Variants in ABLIM2 observed in about 807,000 individuals in gnomAD.
ABLIM2 encodes the protein actin-binding LIM protein 2.
A neutral mutation model predicts 97.7 loss-of-function variants in ABLIM2; 53 were observed. That is an observed-to-expected ratio of 0.54 (90% CI 0.44 to 0.68). The LOEUF is 0.68. Among genes scored for constraint, ABLIM2 ranks in the 30% least tolerant of loss-of-function variants. The pLI is 0.00. For synonymous variants in ABLIM2, 361 were observed against 345.8 expected (o/e 1.04, Z -0.49); for missense variants, 835 against 867.2 (o/e 0.96, Z 0.47).
chr4:8,118,848 C>T (rs559142149), intron 1 of ABLIM2, among the ~76,000 whole-genome samples: 1 of 152,376 alleles, frequency 6.6e-6, no homozygotes, highest in South Asian at 2.1e-4. Flanking sequence ...CAATGATTCA[C>T]TCTTGTGCTG....
chr4:8,144,358 C>G (rs537800246), intron 1 of ABLIM2, among the ~76,000 whole-genome samples: 57 of 152,246 alleles, frequency 3.7e-4, no homozygotes, highest in Non-Finnish European at 7.3e-4. Flanking sequence ...GCATCCACCC[C>G]CTATGGCAGT....
At chr4:8,094,995 C>T (rs1830716836) in intron 3 of ABLIM2, among the ~76,000 whole-genome samples, 1 of 118,608 alleles carries the variant, frequency 8.4e-6, no homozygotes, top group Non-Finnish European at 1.7e-5. Flanking sequence ...TCTTTCTTTT[C>T]CTTTTTCTTT....
chr4:7,978,577 T>G (rs1269095910), intron 20 of ABLIM2, among the ~76,000 whole-genome samples: 1 of 152,148 alleles, frequency 6.6e-6, no homozygotes, highest in African/African-American at 2.4e-5. Context: ...TGAGCTCACC[T>G]TTTGTGGTGA....
intron 1 of ABLIM2, among the ~76,000 whole-genome samples, chr4:8,133,619 C>T (rs1849749125): frequency 6.6e-6 from 1 of 152,196 alleles, no homozygotes; most frequent in Non-Finnish European, 1.5e-5. Context: ...CCGGCTGGAG[C>T]TCCTCCCCGG....
intron 20 of ABLIM2, among the ~76,000 whole-genome samples, chr4:7,977,065 G>A (rs1282726980): frequency 1.3e-5 from 2 of 152,156 alleles, no homozygotes; most frequent in African/African-American, 4.8e-5. Context: ...GGAGGGACCT[G>A]GTGGGAGGTG....
chr4:8,085,256 G>GC lies in ABLIM2; in HGVS notation c.454+2912dup, dbSNP rs1054979349. Among the ~76,000 whole-genome samples the GC allele has an allele frequency of 2.6e-4, 39 of 152,084 alleles. 1 individual carries two copies. Among genetic ancestry groups the GC allele is most frequent in the Admixed American group, 2.6e-4 (4 of 15,272 alleles). On this transcript the variant is annotated intron_variant, in intron 4 of 20. Transcript: ENST00000447017. The surrounding 1 kb of genome is among the most constrained non-coding windows in gnomAD (Gnocchi z 6.1). ...CAGCCATGTGAGGCCCCACCCTGCT[G>GC]CCCCCCGGCCCAGCAAGCTGGCCAG...
In ABLIM2 at chr4:8,072,790, C is replaced by T. The variant is rs1813168958; in HGVS notation, c.675+4838G>A. The stretch of plus-strand genomic sequence containing the variant: ...TGCATGTGGTGTTGGCCTGGCTGAG[C>T]ATCAGAGCCACCAGCGCATAAGAGG... On this transcript the variant is annotated intron_variant, in intron 6 of 20. Transcript: ENST00000447017. This position sits in a 1 kb window ranked among gnomAD's most constrained non-coding sequence, Gnocchi z 5.8. 2.0e-5 allele frequency among the ~76,000 whole-genome samples: 3 copies of T among 152,122 alleles called. No homozygotes were observed. The highest frequency in any genetic ancestry group is 7.2e-5 in the African/African-American group (3 of 41,414).
In ABLIM2 at chr4:8,019,611, A is replaced by G. The variant is rs564715941; in HGVS notation, c.1423+7T>C. 8 of 1,609,084 alleles carry G rather than the reference A, an allele frequency of 5.0e-6. No individual in the cohort carries two copies. The highest frequency in any genetic ancestry group is 1.1e-5 in the South Asian group (1 of 89,926). The stretch of plus-strand genomic sequence containing the variant: ...AAACCACAGCAGCGGGAGGAATCCA[A>G]CCGTACCATGCTGTCTGTAGATAGG... On this transcript the variant is annotated splice_region_variant and intron_variant, in intron 14 of 20. Coordinates refer to ENST00000447017, the MANE Select transcript of ABLIM2 (RefSeq NM_001130083.2). The surrounding 1 kb of genome is among the most constrained non-coding windows in gnomAD (Gnocchi z 4.3).
chr4:8,108,935 C>T (rs535219002), intron 1 of ABLIM2, among the ~76,000 whole-genome samples: 9 of 152,362 alleles, frequency 5.9e-5, no homozygotes, highest in Admixed American at 2.0e-4. Context: ...TGGTCTATTT[C>T]GGGGACCCCA....
intron 3 of ABLIM2, among the ~76,000 whole-genome samples, chr4:8,089,860 G>C (rs922793667): frequency 2.0e-5 from 3 of 151,900 alleles, no homozygotes; most frequent in African/African-American, 7.2e-5. Flanking sequence ...AAGGACTGAA[G>C]CTCTCCTAGG....
chr4:8,119,941 C>A (rs17796091), intron 1 of ABLIM2, among the ~76,000 whole-genome samples: 1 of 151,980 alleles, frequency 6.6e-6, no homozygotes, highest in Admixed American at 6.6e-5. Context: ...TCAAGTCCTG[C>A]GGGTGGAGGT....
At chr4:8,108,308 G>T in intron 1 of ABLIM2, among the ~76,000 whole-genome samples, 1 of 152,240 alleles carries the variant, frequency 6.6e-6, no homozygotes, top group East Asian at 1.9e-4. Context: ...CTTTCACTCG[G>T]CTAGGGCTGC....
intron 16 of ABLIM2, chr4:7,993,812 G>C (rs1024063238): frequency 2.3e-6 from 1 of 440,306 alleles, no homozygotes; most frequent in Non-Finnish European, 4.6e-6. Context: ...GTGGGGCAAG[G>C]CTCGCTGGGG....
At chr4:8,077,495 TG>T in intron 6 of ABLIM2, 132 bp downstream of exon 6, 1 of 877,654 alleles carries the variant, frequency 1.1e-6, no homozygotes, top group Non-Finnish European at 1.8e-6. Flanking sequence ...TTGGCTGAGC[TG>T]GCAGGAATAG....
intron 20 of ABLIM2, among the ~76,000 whole-genome samples, chr4:7,974,367 TCATC>T (rs1180462781): frequency 5.4e-5 from 4 of 74,170 alleles, no homozygotes; most frequent in East Asian, 4.4e-4. Context: ...ACTCCTCCAT[TCATC>T]CATCCATCCA....
intron 6 of ABLIM2, among the ~76,000 whole-genome samples, chr4:8,073,159 G>C (rs1051169289): frequency 7.9e-5 from 12 of 151,498 alleles, no homozygotes; most frequent in Non-Finnish European, 1.6e-4. Context: ...ACAGGATCAA[G>C]CACGGCAGAG....
chr4:8,017,742 C>T (rs1367386222), intron 14 of ABLIM2, among the ~76,000 whole-genome samples: 2 of 152,162 alleles, frequency 1.3e-5, no homozygotes, highest in South Asian at 4.1e-4. Flanking sequence ...CCCTATAATC[C>T]TAGCACTTTG....
chr4:8,028,297 T>C (rs988070048), intron 11 of ABLIM2, among the ~76,000 whole-genome samples: 2 of 152,208 alleles, frequency 1.3e-5, no homozygotes, highest in African/African-American at 2.4e-5. Context: ...AGGCTGTCCT[T>C]GTGCTATGGG....
At chr4:8,066,321 A>G (rs1331100267) in intron 6 of ABLIM2, among the ~76,000 whole-genome samples, 1 of 138,416 alleles carries the variant, frequency 7.2e-6, no homozygotes, top group Non-Finnish European at 1.6e-5. Context: ...AAAAAAAAAA[A>G]GAAAAAAGAA....
Sources: gnomAD v4.1 joint callset for allele counts (sites outside exome capture counted in the v4.1 genomes callset) on GRCh38, gnomAD v4.1.1 for gene constraint, Gnocchi (gnomAD v3.1) non-coding constraint, MANE v1.5 for transcripts, NCBI Gene and HGNC (gene_info 2026-07-23, HGNC 2026-07-21) for gene names.